Variants in LRFN2 observed in about 807,000 individuals in gnomAD.
LRFN2 encodes the protein leucine-rich repeat and fibronectin type-III domain-containing protein 2.
A neutral mutation model predicts 37.3 loss-of-function variants in LRFN2; 18 were observed. The ratio of observed to expected loss-of-function variants is 0.48; its 90% CI spans 0.33 to 0.72. LRFN2 has a LOEUF of 0.72. LRFN2 is among the 30% of genes least tolerant of loss of function. The pLI, the probability that LRFN2 is intolerant of heterozygous loss-of-function variation, is 0.02. For missense variants in LRFN2, 1,006 were observed against 1,060.7 expected (o/e 0.95, Z 0.72); for synonymous variants, 556 against 466.6 (o/e 1.19, Z -2.47).
chr6:40,523,493 C>T (rs1766148289), intron 1 of LRFN2, among the ~76,000 whole-genome samples: 1 of 143,792 alleles, frequency 7.0e-6, no homozygotes, highest in Admixed American at 7.1e-5. Flanking sequence ...GACCCTAAAG[C>T]ATCTTTAGGT....
intron 1 of LRFN2, among the ~76,000 whole-genome samples, chr6:40,583,544 G>C (rs1344433200): frequency 3.9e-5 from 6 of 152,162 alleles, no homozygotes; most frequent in Non-Finnish European, 8.8e-5. Context: ...TGACATTTTA[G>C]TGACAGTCTT....
At chr6:40,444,968 T>C (rs1763933971) in intron 1 of LRFN2, among the ~76,000 whole-genome samples, 1 of 152,062 alleles carries the variant, frequency 6.6e-6, no homozygotes, top group Non-Finnish European at 1.5e-5. Flanking sequence ...GCTGGAACAT[T>C]GCAGTCAAGC....
intron 1 of LRFN2, among the ~76,000 whole-genome samples, chr6:40,533,022 C>G (rs916966103): frequency 2.2e-4 from 33 of 152,178 alleles, no homozygotes; most frequent in Non-Finnish European, 2.8e-4. Context: ...TTAAGTGGCA[C>G]AGTGTTAAAT....
chr6:40,407,598 C>A (rs1762875458), intron 2 of LRFN2, among the ~76,000 whole-genome samples: 1 of 152,222 alleles, frequency 6.6e-6, no homozygotes, highest in African/African-American at 2.4e-5. Context: ...GCTTGTTCAA[C>A]AACAACTCAT....
chr6:40,430,432 AC>A (rs1763452618), intron 2 of LRFN2, among the ~76,000 whole-genome samples: 1 of 152,202 alleles, frequency 6.6e-6, no homozygotes, highest in Non-Finnish European at 1.5e-5. Flanking sequence ...GTGTGATGAA[AC>A]TCATGGGATC....
intron 2 of LRFN2, among the ~76,000 whole-genome samples, chr6:40,419,040 T>A (rs1763159815): frequency 1.3e-5 from 2 of 152,196 alleles, no homozygotes; most frequent in Non-Finnish European, 1.5e-5. Flanking sequence ...AATTACAAAC[T>A]CAAGGGGCAG....
intron 1 of LRFN2, among the ~76,000 whole-genome samples, chr6:40,505,343 T>A (rs1398052332): frequency 6.6e-6 from 1 of 152,200 alleles, no homozygotes; most frequent in African/African-American, 2.4e-5. Flanking sequence ...ATTTTCACGT[T>A]ATATCCTAAT....
At chr6:40,466,508 C>G (rs1764470283) in intron 1 of LRFN2, among the ~76,000 whole-genome samples, 1 of 152,136 alleles carries the variant, frequency 6.6e-6, no homozygotes, top group African/African-American at 2.4e-5. Flanking sequence ...CTAGTATAAG[C>G]AGGGGTTTCC....
chr6:40,501,359 C>A (rs2113876443), intron 1 of LRFN2, among the ~76,000 whole-genome samples: 1 of 152,090 alleles, frequency 6.6e-6, no homozygotes, highest in Non-Finnish European at 1.5e-5. Flanking sequence ...CTCACTCTGT[C>A]ACCCAGGCTG....
At chr6:40,580,149 G>T (rs549978493) in intron 1 of LRFN2, among the ~76,000 whole-genome samples, 9 of 152,242 alleles carry the variant, frequency 5.9e-5, no homozygotes, top group African/African-American at 1.9e-4. Flanking sequence ...TATTTACCTC[G>T]ACCCTAAGGA....
intron 1 of LRFN2, among the ~76,000 whole-genome samples, chr6:40,520,986 G>A (rs1581773917): frequency 1.3e-5 from 2 of 152,196 alleles, no homozygotes; most frequent in African/African-American, 2.4e-5. Flanking sequence ...GGCCAGGCGG[G>A]AGAAGCCACT....
At chr6:40,548,152 G>T (rs2113920497) in intron 1 of LRFN2, among the ~76,000 whole-genome samples, 1 of 152,274 alleles carries the variant, frequency 6.6e-6, no homozygotes, top group South Asian at 2.1e-4. Context: ...GATAAAAATA[G>T]TACCTGGCTG....
chr6:40,487,223 C>T (rs1764981561), intron 1 of LRFN2, among the ~76,000 whole-genome samples: 1 of 152,180 alleles, frequency 6.6e-6, no homozygotes, highest in Non-Finnish European at 1.5e-5. Flanking sequence ...AGTTGAATTG[C>T]TTCTGGCCCT....
At chr6:40,525,111 A>G (rs1766211291) in intron 1 of LRFN2, among the ~76,000 whole-genome samples, 1 of 152,154 alleles carries the variant, frequency 6.6e-6, no homozygotes, top group South Asian at 2.1e-4. Flanking sequence ...CTCATTTCTG[A>G]TTCTGTGACA....
At chr6:40,519,491 T>C (rs1765987269) in intron 1 of LRFN2, among the ~76,000 whole-genome samples, 2 of 152,236 alleles carry the variant, frequency 1.3e-5, no homozygotes, top group Non-Finnish European at 2.9e-5. Context: ...GGAAGTGATG[T>C]ACAGTTCCAG....
At chr6:40,457,700 T>A (rs1764264747) in intron 1 of LRFN2, among the ~76,000 whole-genome samples, 1 of 148,492 alleles carries the variant, frequency 6.7e-6, no homozygotes, top group African/African-American at 2.5e-5. Context: ...TGTAAAAACC[T>A]GAAGGTGCCA....
chr6:40,473,056 G>A (rs1395475348), intron 1 of LRFN2, among the ~76,000 whole-genome samples: 2 of 151,964 alleles, frequency 1.3e-5, no homozygotes, highest in African/African-American at 4.8e-5. Context: ...CCTGCCTCTC[G>A]GGATCCAGCT....
intron 1 of LRFN2, among the ~76,000 whole-genome samples, chr6:40,579,532 T>TCTC (rs201971684): frequency 1.6e-4 from 1 of 6,190 alleles, no homozygotes; most frequent in Admixed American, 6.4e-4. Context: ...ATCATCATCA[T>TCTC]CACCACCATC....
rs917951326 is a variant in LRFN2, at chr6:40,391,727, T to A, written c.*216A>T. 7 of 440,402 alleles carry A rather than the reference T, an allele frequency of 1.6e-5. No individual in the cohort carries two copies. The highest frequency in any genetic ancestry group is 1.0e-4 in the African/African-American group (5 of 48,786). 27.3% of individuals were successfully genotyped at this position (440,402 alleles called of 1,614,324 possible). A position where few individuals can be genotyped will look rare whatever the true frequency, so the allele number is the denominator to read the frequency against. On this transcript the variant is annotated 3_prime_UTR_variant, in exon 3 of 3. Transcript: ENST00000338305. ...CAAACACTCAGGGCTCAGTCCGGCA[T>A]TTGAGCGAGTCCACATTCCCTGAGC...
Sources: gnomAD v4.1 joint callset for allele counts (sites outside exome capture counted in the v4.1 genomes callset) on GRCh38, gnomAD v4.1.1 for gene constraint, MANE v1.5 for transcripts, NCBI Gene and HGNC (gene_info 2026-07-23, HGNC 2026-07-21) for gene names.